Variants in CFAP74 observed in about 807,000 individuals in gnomAD.
CFAP74 encodes the protein cilia- and flagella-associated protein 74.
Under a neutral mutation model 188.9 loss-of-function variants are expected in CFAP74, and 124 were observed. The observed-to-expected ratio is 0.66, with a 90% CI of 0.57 to 0.76. CFAP74 has a LOEUF of 0.76. Ranked by LOEUF, CFAP74 falls within the 30% of genes least tolerant of loss-of-function variation. The probability of loss-of-function intolerance (pLI) is 0.00; values close to 1 mark genes in which losing one functional copy is unlikely to be tolerated. For synonymous variants in CFAP74, 956 were observed against 916.7 expected, an observed-to-expected ratio of 1.04 and a Z score of -0.77; for missense variants, 2,198 against 2,165.2, an observed-to-expected ratio of 1.02 and a Z score of -0.30.
rs1656250887 is a variant in CFAP74 at position 1,973,767 on chromosome 1, G to A, written c.674+258C>T. Among the ~76,000 whole-genome samples the A allele has an allele frequency of 1.3e-5, 2 of 152,090 alleles. No homozygotes were observed. The highest frequency in any genetic ancestry group is 1.3e-4 in the Admixed American group (2 of 15,274). ...GTCTTGCTGGAGCGTGGCTTTAGTA[G>A]CCAGCTTTAGCGGCTGTATGGTGGC... On this transcript the variant is annotated intron_variant, in intron 7 of 38. Transcript: ENST00000682832. The surrounding 1 kb of genome is among the most constrained non-coding windows in gnomAD (Gnocchi z 6.2).
chr1:1,998,356 C>T lies in CFAP74; in HGVS notation c.-20+5345G>A, dbSNP rs549813181. On this transcript the variant is annotated intron_variant, in intron 1 of 38. Coordinates refer to ENST00000682832, the MANE Select transcript of CFAP74 (RefSeq NM_001304360.2). ...ATGCTAAAAATGAGTTTCTATCTGTCAGAGGCATCTGCAAAGGTTTTTACA... is the reference window on the plus strand; with the variant it reads ...ATGCTAAAAATGAGTTTCTATCTGTTAGAGGCATCTGCAAAGGTTTTTACA... Among the ~76,000 whole-genome samples, 4 of 152,176 alleles carry T rather than the reference C, an allele frequency of 2.6e-5. No individual in the cohort carries two copies. In the South Asian group the frequency reaches 8.3e-4, roughly 32 times the overall value.
At chr1:1,964,783 C>CT in intron 13 of CFAP74, 105 bp downstream of exon 13, 1 of 1,221,696 alleles carries the variant, frequency 8.2e-7, no homozygotes, top group East Asian at 2.4e-5. Context: ...GAGTGAGACT[C>CT]CATCTCAAAA....
At chr1:1,980,829 CGACCCTCAGAAACCGA>C (rs1416632401) in intron 6 of CFAP74, among the ~76,000 whole-genome samples, 4 of 150,518 alleles carry the variant, frequency 2.7e-5, no homozygotes, top group African/African-American at 5.0e-5. Context: ...GCCCAGACCA[CGACCCTCAGAAACCGA>C]GACCCTCAGA....
At chr1:1,982,278 C>T (rs1301982076) in intron 6 of CFAP74, among the ~76,000 whole-genome samples, 12 of 105,624 alleles carry the variant, frequency 1.1e-4, no homozygotes, top group African/African-American at 2.2e-4. Context: ...GACACCCAGC[C>T]GTGGTCACAC....
At chr1:1,955,195 C>G (rs541906610) in intron 18 of CFAP74, 3 of 1,288,694 alleles carry the variant, frequency 2.3e-6, no homozygotes, top group Non-Finnish European at 3.0e-6. Flanking sequence ...GATCTCGATG[C>G]GTATGTGGGA....
At chr1:1,982,922 T>C (rs1409244639) in intron 6 of CFAP74, among the ~76,000 whole-genome samples, 2 of 152,242 alleles carry the variant, frequency 1.3e-5, no homozygotes, top group East Asian at 3.9e-4. Flanking sequence ...CTACTGACGG[T>C]TAAGGGTCTG....
Position 1,968,626 on chromosome 1 carries a change from T to G in CFAP74, c.1245+9A>C, listed in dbSNP as rs758327739. On this transcript the variant is annotated intron_variant, in intron 11 of 38. Transcript: ENST00000682832. The surrounding 1 kb of genome is among the most constrained non-coding windows in gnomAD (Gnocchi z 4.3). ...GCGGCTTCTGTCTACAGGAAGGCGT[T>G]TTGCTCACCAGTGTGTACGTGTTGG... 2.5e-6 allele frequency: 4 copies of G among 1,611,272 alleles called. No individual in the cohort carries two copies. The African/African-American group carries it at 4.0e-5, about 16-fold the overall frequency.
At chr1:1,992,825 T>C (rs1657667309) in intron 1 of CFAP74, among the ~76,000 whole-genome samples, 1 of 152,098 alleles carries the variant, frequency 6.6e-6, no homozygotes, top group South Asian at 2.1e-4. Context: ...TTGCTTATCA[T>C]TTTGGGAATG....
In CFAP74 at chr1:1,972,102, C is replaced by T. The variant is rs370117721; in HGVS notation, c.786-20G>A. 29 of 1,589,352 alleles carry T rather than the reference C, an allele frequency of 1.8e-5. No homozygotes were observed. In the African/African-American group the frequency reaches 3.5e-4, roughly 19 times the overall value. On this transcript the variant is annotated intron_variant, in intron 8 of 38. Transcript: ENST00000682832. Reference sequence around the variant, plus strand: ...CGGATTCTGAGGAAGGACATTTAAACATTTTTGAGGCTCTGTCGCCCAGGC... The same window carrying T: ...CGGATTCTGAGGAAGGACATTTAAATATTTTTGAGGCTCTGTCGCCCAGGC...
chr1:1,968,814 T>C lies in CFAP74; in HGVS notation c.1066A>G (p.Lys356Glu). 19 of 1,614,070 alleles carry C rather than the reference T, an allele frequency of 1.2e-5. No homozygotes were observed. The highest frequency in any genetic ancestry group is 1.6e-5 in the Non-Finnish European group (19 of 1,179,954). ...AQKRAFEEEQ[K>E]LRKQEIISRI... ...CTGATGATCTCCTGCTTTCTGAGCT[T>C]CTGCTCCTCCTCAAAGGCCCTGCGT... Residue 356 changes from lysine (K) to glutamate (E), a missense_variant, in exon 11 of 39, where the codon AAG (lysine) becomes GAG (glutamate). Physicochemically the swap from Lys to Glu is moderately conservative, Grantham distance 56. Transcript: ENST00000682832. This position sits in a 1 kb window ranked among gnomAD's most constrained non-coding sequence, Gnocchi z 4.3.
In CFAP74 at chr1:1,973,933, C is replaced by T. The variant is rs114281645; in HGVS notation, c.674+92G>A. ...GGTGGATCTGGACAGATGTGGAGGG[C>T]GAGGCTGAATCTGGAGACCCCTGGG... On this transcript the variant is annotated intron_variant, in intron 7 of 38. Coordinates refer to ENST00000682832, the MANE Select transcript of CFAP74 (RefSeq NM_001304360.2). This position sits in a 1 kb window ranked among gnomAD's most constrained non-coding sequence, Gnocchi z 6.2. 4,455 of 1,262,276 alleles carry T rather than the reference C, an allele frequency of 3.5e-3. 130 individuals carry two copies. In the African/African-American group the frequency reaches 0.061, roughly 17 times the overall value. 78.2% of individuals were successfully genotyped at this position (1,262,276 alleles called of 1,614,324 possible).
intron 28 of CFAP74, 53 bp downstream of exon 28, chr1:1,927,554 C>A: frequency 6.6e-7 from 1 of 1,510,724 alleles, no homozygotes; most frequent in Non-Finnish European, 8.9e-7. Context: ...CACAGTGGGT[C>A]CCACCAGAGG....
intron 25 of CFAP74, among the ~76,000 whole-genome samples, chr1:1,938,017 CACAT>C (rs1193378636): frequency 6.6e-6 from 1 of 151,522 alleles, no homozygotes; most frequent in African/African-American, 2.4e-5. Flanking sequence ...TACAAGCACT[CACAT>C]TCAGTCACAT....
chr1:1,992,225 C>T (rs550560730), intron 1 of CFAP74, among the ~76,000 whole-genome samples: 9 of 152,190 alleles, frequency 5.9e-5, no homozygotes, highest in East Asian at 3.9e-4. Context: ...AGTGCAGTGA[C>T]ACAATCACAG....
chr1:1,943,587 G>A (rs894207316), intron 21 of CFAP74, among the ~76,000 whole-genome samples: 6 of 152,256 alleles, frequency 3.9e-5, no homozygotes, highest in Non-Finnish European at 8.8e-5. Context: ...TGGCTGTTCA[G>A]GGCAGGCTGC....
chr1:2,003,524 G>C (rs1014102776), intron 1 of CFAP74, among the ~76,000 whole-genome samples, 177 bp downstream of exon 1: 1 of 152,198 alleles, frequency 6.6e-6, no homozygotes, highest in Non-Finnish European at 1.5e-5. Flanking sequence ...AACAGAGGCT[G>C]TGCCAGCGCC....
chr1:1,942,393 G>A lies in CFAP74; in HGVS notation c.2487-237C>T, dbSNP rs965658260. Among the ~76,000 whole-genome samples, 1 of 152,112 alleles carries A rather than the reference G, an allele frequency of 6.6e-6. No individual in the cohort carries two copies. The highest frequency in any genetic ancestry group is 1.5e-5 in the Non-Finnish European group (1 of 68,020). On this transcript the variant is annotated intron_variant, in intron 21 of 38. Coordinates refer to ENST00000682832, the MANE Select transcript of CFAP74 (RefSeq NM_001304360.2). This position sits in a 1 kb window ranked among gnomAD's most constrained non-coding sequence, Gnocchi z 4.3. ...AAGAATTCTTAAAAATAACCACATC[G>A]AAACGGAAGCACGGTCCTAATGGGC...
intron 1 of CFAP74, among the ~76,000 whole-genome samples, chr1:2,003,322 T>C (rs1658294671): frequency 6.6e-6 from 1 of 152,314 alleles, no homozygotes. Flanking sequence ...CTTCCAAAAC[T>C]AGGTTATACA....
At chr1:1,951,023 G>T (rs1019180945) in intron 18 of CFAP74, among the ~76,000 whole-genome samples, 7 of 152,146 alleles carry the variant, frequency 4.6e-5, no homozygotes, top group African/African-American at 1.4e-4. Context: ...CTGGAGGGGG[G>T]TGTATTAGTC....
Sources: allele counts gnomAD v4.1 joint callset (sites outside exome capture counted in the v4.1 genomes callset), GRCh38; gene constraint gnomAD v4.1.1; non-coding constraint Gnocchi (gnomAD v3.1); transcripts MANE v1.5; gene names NCBI Gene and HGNC (gene_info 2026-07-23, HGNC 2026-07-21).